Variants in VPS13B observed in about 807,000 individuals in gnomAD.
VPS13B encodes the protein vacuolar protein sorting 13 homolog B.
VPS13B carries 285 observed loss-of-function variants against 426.4 expected under a neutral mutation model. The ratio of observed to expected loss-of-function variants is 0.67; its 90% confidence interval spans 0.61 to 0.74. The LOEUF is 0.74. Among genes scored for constraint, VPS13B ranks in the 30% least tolerant of loss-of-function variants. VPS13B has a pLI of 0.00. For synonymous variants in VPS13B, 1,676 were observed against 1,676.4 expected, an observed-to-expected ratio of 1.00 and a Z score of 0.01; for missense variants, 4,537 against 4,782.6, an observed-to-expected ratio of 0.95 and a Z score of 1.51.
At chr8:99,190,480 T>G (rs1452786523) in intron 16 of VPS13B, among the ~76,000 whole-genome samples, 1 of 152,154 alleles carries the variant, frequency 6.6e-6, no homozygotes, top group Non-Finnish European at 1.5e-5. Context: ...TTGTTTGTTT[T>G]CTTTTTTCTT....
At chr8:99,701,135 A>G (rs1217886274) in intron 36 of VPS13B, among the ~76,000 whole-genome samples, 1 of 152,342 alleles carries the variant, frequency 6.6e-6, no homozygotes, top group East Asian at 1.9e-4. Flanking sequence ...CACTAGAAAT[A>G]TTCGTGACCA....
intron 3 of VPS13B, among the ~76,000 whole-genome samples, chr8:99,076,930 G>T (rs951617955): frequency 6.6e-6 from 1 of 151,852 alleles, no homozygotes; most frequent in Admixed American, 6.6e-5. Context: ...TATATCCTTT[G>T]TTCCTTTTTC....
intron 30 of VPS13B, among the ~76,000 whole-genome samples, chr8:99,521,273 A>G (rs1822368121): frequency 6.6e-6 from 1 of 152,218 alleles, no homozygotes; most frequent in South Asian, 2.1e-4. Context: ...GGAAAATTTT[A>G]GCAGATGTCA....
At chr8:99,716,414 A>G (rs1339515433) in intron 36 of VPS13B, among the ~76,000 whole-genome samples, 1 of 152,184 alleles carries the variant, frequency 6.6e-6, no homozygotes, top group Non-Finnish European at 1.5e-5. Flanking sequence ...AATTTAGAAT[A>G]TGAGCTCCTT....
chr8:99,474,083 T>G (rs1819555853), intron 24 of VPS13B, among the ~76,000 whole-genome samples: 1 of 152,178 alleles, frequency 6.6e-6, no homozygotes, highest in African/African-American at 2.4e-5. Flanking sequence ...GTAATCAAGT[T>G]TAAAAAAATA....
intron 19 of VPS13B, among the ~76,000 whole-genome samples, chr8:99,319,363 A>G (rs552899268): frequency 2.0e-5 from 3 of 152,352 alleles, no homozygotes; most frequent in Admixed American, 1.3e-4. Context: ...GCTGAGAGAT[A>G]GATTTCTGGA....
intron 33 of VPS13B, among the ~76,000 whole-genome samples, chr8:99,625,822 G>A (rs1588563053): frequency 6.6e-6 from 1 of 151,958 alleles, no homozygotes; most frequent in East Asian, 1.9e-4. Flanking sequence ...CTCCAGCCTG[G>A]GCAATAAAAT....
intron 18 of VPS13B, among the ~76,000 whole-genome samples, chr8:99,274,775 A>C (rs1037838269): frequency 6.6e-6 from 1 of 152,042 alleles, no homozygotes; most frequent in Non-Finnish European, 1.5e-5. Flanking sequence ...GATTTTTTTC[A>C]GTGCAAACTA....
intron 14 of VPS13B, among the ~76,000 whole-genome samples, chr8:99,151,629 G>T (rs1186393497): frequency 6.6e-6 from 1 of 151,962 alleles, no homozygotes; most frequent in Admixed American, 6.6e-5. Flanking sequence ...CACCTCCCGG[G>T]TTCAAGCGAT....
intron 17 of VPS13B, among the ~76,000 whole-genome samples, chr8:99,200,640 T>C (rs56838971): frequency 6.6e-6 from 1 of 152,112 alleles, no homozygotes; most frequent in Admixed American, 6.5e-5. Flanking sequence ...TTCATTTCCC[T>C]CATGGCTAAT....
intron 17 of VPS13B, among the ~76,000 whole-genome samples, chr8:99,255,648 C>T (rs572411002): frequency 7.2e-5 from 11 of 152,028 alleles, no homozygotes; most frequent in South Asian, 2.1e-4. Flanking sequence ...ACTTCTGGCC[C>T]GGGGTCAAAA....
At chr8:99,052,142 A>G (rs7464622) in intron 3 of VPS13B, among the ~76,000 whole-genome samples, 10,875 of 139,722 alleles carry the variant, frequency 0.078, 738 homozygotes, top group African/African-American at 0.18. Flanking sequence ...GTTTTTGCCC[A>G]TTCAATATGA....
chr8:99,575,869 C>T (rs1216050299), intron 32 of VPS13B, 85 bp downstream of exon 32: 6 of 1,382,468 alleles, frequency 4.3e-6, no homozygotes, highest in Non-Finnish European at 6.0e-6. Flanking sequence ...AGTTTCAGCC[C>T]ATAGGACTTC....
intron 2 of VPS13B, among the ~76,000 whole-genome samples, chr8:99,038,136 G>T (rs1235265992): frequency 6.6e-6 from 1 of 152,046 alleles, no homozygotes; most frequent in East Asian, 1.9e-4. Context: ...CTTATTAAAT[G>T]TAACTTGTAC....
At chr8:99,055,313 T>G (rs531734480) in intron 3 of VPS13B, among the ~76,000 whole-genome samples, 1 of 152,330 alleles carries the variant, frequency 6.6e-6, no homozygotes, top group South Asian at 2.1e-4. Flanking sequence ...GTGCTGTGAT[T>G]ACAGGCGTGA....
chr8:99,101,837 G>GT (rs1233449188), intron 4 of VPS13B, among the ~76,000 whole-genome samples: 2 of 152,070 alleles, frequency 1.3e-5, no homozygotes, highest in Non-Finnish European at 2.9e-5. Flanking sequence ...AGTTGATTAT[G>GT]TTTTGTCCAG....
chr8:99,717,197 C>T lies in VPS13B; in HGVS notation c.6481C>T (p.Leu2161Phe). ...PGIILGSSFL[L>F]SINDFLLKTS... ...CATAATTCTTGGGTCATCATTTCTA[C>T]TCAGTATAAACGATTTTCTCCTTAA... Residue 2161 changes from leucine (L) to phenylalanine (F), a missense_variant, in exon 37 of 62, where the codon CTC becomes TTC. Leu to Phe is a conservative substitution (Grantham distance 22, BLOSUM62 0). This residue lies in a region of VPS13B where 4,311 missense variants were observed against 4,474.3 expected (regional missense o/e 0.96). Coordinates refer to ENST00000357162, the MANE Select transcript of VPS13B (RefSeq NM_152564.5). 4 of 1,613,580 alleles carry T rather than the reference C, an allele frequency of 2.5e-6. No homozygotes were observed. The South Asian group carries it at 4.4e-5, about 18-fold the overall frequency.
intron 40 of VPS13B, among the ~76,000 whole-genome samples, chr8:99,776,387 T>A (rs2130666190): frequency 6.6e-6 from 1 of 152,250 alleles, no homozygotes; most frequent in East Asian, 1.9e-4. Flanking sequence ...ACGACAGCCT[T>A]GACCTGCTGT....
intron 24 of VPS13B, among the ~76,000 whole-genome samples, chr8:99,480,777 C>T (rs1007228752): frequency 1.3e-5 from 2 of 152,136 alleles, no homozygotes; most frequent in Non-Finnish European, 2.9e-5. Flanking sequence ...GCTTCATCAT[C>T]TGGATGTGTC....
Sources: gnomAD v4.1 joint callset for allele counts (sites outside exome capture counted in the v4.1 genomes callset) on GRCh38, gnomAD v4.1.1 for gene constraint, gnomAD v4.1.1 regional missense constraint, MANE v1.5 for transcripts, NCBI Gene and HGNC (gene_info 2026-07-23, HGNC 2026-07-21) for gene names.